The following SLC25A16 variants were observed in gnomAD, a reference collection of about 807,000 sequenced individuals.
The protein encoded by SLC25A16 is solute carrier family 25 member 16.
A neutral mutation model predicts 41.5 loss-of-function variants in SLC25A16; 39 were observed. The ratio of observed to expected loss-of-function variants is 0.94; its 90% CI spans 0.73 to 1.23. The LOEUF (loss-of-function observed/expected upper bound fraction) is 1.23. SLC25A16 is among the 50% of genes most tolerant of loss of function. SLC25A16 has a pLI of 0.00. For synonymous variants in SLC25A16, 146 were observed against 147.8 expected (o/e 0.99, Z 0.09); for missense variants, 421 against 426.9 (o/e 0.99, Z 0.12).
chr10:68,523,350 C>T (rs890429898), intron 1 of SLC25A16, among the ~76,000 whole-genome samples: 8 of 152,156 alleles, frequency 5.3e-5, no homozygotes, highest in Admixed American at 4.6e-4. Context: ...TACTCAGCCT[C>T]CCAAAGTGCT....
intron 4 of SLC25A16, chr10:68,496,633 C>G: frequency 2.0e-6 from 2 of 982,274 alleles, no homozygotes; most frequent in African/African-American, 3.5e-5. Flanking sequence ...TAAATCTAAA[C>G]AAAGTCAGAC....
intron 2 of SLC25A16, 99 bp downstream of exon 2, chr10:68,516,652 C>G: frequency 1.4e-6 from 1 of 733,790 alleles, no homozygotes; most frequent in Non-Finnish European, 2.1e-6. Flanking sequence ...AAAGAGGAAC[C>G]TCTACTTTAC....
intron 4 of SLC25A16, among the ~76,000 whole-genome samples, chr10:68,494,238 G>T (rs964797963): frequency 1.3e-5 from 2 of 151,780 alleles, no homozygotes; most frequent in African/African-American, 4.8e-5. Context: ...GCCGAGGCAG[G>T]TGGATTATGA....
chr10:68,517,013 A>G (rs777293544), intron 1 of SLC25A16, 170 bp from the exon 2 acceptor site: 152 of 1,163,302 alleles, frequency 1.3e-4, no homozygotes, highest in Non-Finnish European at 1.7e-4. Context: ...CTGTAACTTA[A>G]TAAGTGAGCA....
chr10:68,525,081 G>A (rs1451709144), intron 1 of SLC25A16, among the ~76,000 whole-genome samples: 1 of 151,940 alleles, frequency 6.6e-6, no homozygotes, highest in Non-Finnish European at 1.5e-5. Flanking sequence ...ACTTAATACT[G>A]CTGCAGTCTT....
intron 2 of SLC25A16, among the ~76,000 whole-genome samples, chr10:68,514,782 G>C (rs1490277505): frequency 6.6e-6 from 1 of 151,756 alleles, no homozygotes; most frequent in Non-Finnish European, 1.5e-5. Context: ...TTGTCCCCCA[G>C]GCTGGAGTGC....
intron 4 of SLC25A16, chr10:68,496,749 T>C (rs1377786671): frequency 2.3e-6 from 2 of 878,116 alleles, no homozygotes; most frequent in African/African-American, 3.6e-5. Flanking sequence ...TTAGAAATCA[T>C]ATTTAGAAAG....
At chr10:68,522,575 G>A (rs778787532) in intron 1 of SLC25A16, among the ~76,000 whole-genome samples, 3 of 152,042 alleles carry the variant, frequency 2.0e-5, no homozygotes, top group Non-Finnish European at 4.4e-5. Flanking sequence ...CAGCACTTTC[G>A]GAGGCCGAGG....
chr10:68,499,715 A>G lies in SLC25A16; in HGVS notation c.421+3917T>C. ...GATGAAGGTCAGGTTGTATGAGGAC[A>G]CTATAAAGGTCAGCAAATTGGCAAA... On this transcript the variant is annotated intron_variant, in intron 4 of 8. Coordinates refer to ENST00000609923, the MANE Select transcript of SLC25A16 (RefSeq NM_152707.4). 2 of 375,202 alleles carry G rather than the reference A, an allele frequency of 5.3e-6. 1 individual carries two copies. The highest frequency in any genetic ancestry group is 5.6e-5 in the South Asian group (2 of 35,520). The allele number at this position is 375,202 out of a possible 1,614,324, so 23.2% of individuals were successfully genotyped here. A position where few individuals can be genotyped will look rare whatever the true frequency, so the allele number is the denominator to read the frequency against.
chr10:68,509,735 A>ATC (rs201061957), intron 2 of SLC25A16, among the ~76,000 whole-genome samples: 2,541 of 143,120 alleles, frequency 0.018, 80 homozygotes, highest in African/African-American at 0.063. Context: ...ATCTATCTAT[A>ATC]TATATATCTA....
intron 4 of SLC25A16, among the ~76,000 whole-genome samples, chr10:68,500,954 T>C (rs961848136): frequency 1.4e-5 from 2 of 140,348 alleles, no homozygotes; most frequent in African/African-American, 5.4e-5. Context: ...AAAAGATAAT[T>C]ACAAAGTGAT....
chr10:68,504,077 T>C (rs186618957), intron 3 of SLC25A16, among the ~76,000 whole-genome samples: 1 of 144,028 alleles, frequency 6.9e-6, no homozygotes, highest in Non-Finnish European at 1.5e-5. Context: ...CCAGGCTGGA[T>C]TGCAGTGGCA....
At chr10:68,524,243 G>A (rs138616405) in intron 1 of SLC25A16, among the ~76,000 whole-genome samples, 2,788 of 136,672 alleles carry the variant, frequency 0.02, 85 homozygotes, top group African/African-American at 0.074. Context: ...CCGGGAGGCA[G>A]AGATGAGATT....
intron 6 of SLC25A16, among the ~76,000 whole-genome samples, chr10:68,492,659 G>A (rs2052679016): frequency 6.6e-6 from 1 of 151,734 alleles, no homozygotes; most frequent in South Asian, 2.1e-4. Flanking sequence ...TCCAGCTTGG[G>A]CAACAAGAGC....
chr10:68,524,177 G>A (rs1233789055), intron 1 of SLC25A16, among the ~76,000 whole-genome samples: 3 of 151,676 alleles, frequency 2.0e-5, no homozygotes, highest in African/African-American at 4.9e-5. Flanking sequence ...GGGCGTGGTG[G>A]CGGGCGCCTG....
In SLC25A16 at chr10:68,527,520, G is replaced by C; in HGVS notation, c.-145C>G. The stretch of plus-strand genomic sequence containing the variant: ...CGGCGGCGCGGCGCCGGCTGATGGC[G>C]TACAGCAAGGGCGGGGCCTGTGTCA... On this transcript the variant is annotated 5_prime_UTR_variant, in exon 1 of 9. Coordinates refer to ENST00000609923, the MANE Select transcript of SLC25A16 (RefSeq NM_152707.4). The C allele has an allele frequency of 1.4e-6, 1 of 728,794 alleles. No homozygotes were observed. The highest frequency in any genetic ancestry group is 2.1e-6 in the Non-Finnish European group (1 of 475,436). The allele number at this position is 728,794 out of a possible 1,614,324, so 45.1% of individuals were successfully genotyped here.
At chr10:68,516,934 C>T (rs754502471) in intron 1 of SLC25A16, 91 bp from the exon 2 acceptor site, 244 of 1,125,868 alleles carry the variant, frequency 2.2e-4, no homozygotes, top group Non-Finnish European at 3.1e-4. Context: ...ACCCTCTAAT[C>T]TCTAATTCAG....
intron 2 of SLC25A16, among the ~76,000 whole-genome samples, chr10:68,516,145 A>G (rs984530663): frequency 2.0e-5 from 3 of 152,138 alleles, no homozygotes; most frequent in Non-Finnish European, 4.4e-5. Context: ...TTTACTTAGC[A>G]AGGTCATTTT....
chr10:68,512,075 C>T (rs1228686640), intron 2 of SLC25A16, among the ~76,000 whole-genome samples: 1 of 151,932 alleles, frequency 6.6e-6, no homozygotes, highest in Admixed American at 6.6e-5. Flanking sequence ...TAGGCTTACA[C>T]ACGTTTAATT....
Sources: gnomAD v4.1 joint callset for allele counts (sites outside exome capture counted in the v4.1 genomes callset) on GRCh38, gnomAD v4.1.1 for gene constraint, MANE v1.5 for transcripts, NCBI Gene and HGNC (gene_info 2026-07-23, HGNC 2026-07-21) for gene names.